Variants in TSPAN18 observed in about 807,000 individuals in gnomAD.
TSPAN18 encodes tetraspanin-18.
In TSPAN18, 14 loss-of-function variants were observed where a neutral mutation model predicts 27.3. That is an observed-to-expected ratio of 0.51 (90% confidence interval 0.34 to 0.80). The LOEUF (loss-of-function observed/expected upper bound fraction) is 0.80, where lower values mean the gene tolerates loss of function less well. Among genes scored for constraint, TSPAN18 ranks in the 30% least tolerant of loss-of-function variants. TSPAN18 has a pLI of 0.01. For synonymous variants in TSPAN18, 143 were observed against 136.5 expected (o/e 1.05, Z -0.33); for missense variants, 268 against 323.9 (o/e 0.83, Z 1.32).
chr11:44,903,997 A>G (rs1859363724), intron 3 of TSPAN18: 1 of 395,236 alleles, frequency 2.5e-6, no homozygotes, highest in African/African-American at 2.1e-5. Context: ...AATAAATAGT[A>G]TTATTTGTAG....
At chr11:44,808,540 C>T (rs550173205) in intron 2 of TSPAN18, among the ~76,000 whole-genome samples, 17 of 152,314 alleles carry the variant, frequency 1.1e-4, no homozygotes, top group Non-Finnish European at 2.1e-4. Flanking sequence ...TCACTTTTCT[C>T]TGCAGCATAG....
intron 3 of TSPAN18, among the ~76,000 whole-genome samples, chr11:44,868,183 C>G (rs1471282077): frequency 6.6e-6 from 1 of 152,294 alleles, no homozygotes; most frequent in South Asian, 2.1e-4. Flanking sequence ...TCAGGGGACG[C>G]AGTTGGAGGC....
chr11:44,888,907 C>T (rs890524776), intron 3 of TSPAN18, among the ~76,000 whole-genome samples: 4 of 152,086 alleles, frequency 2.6e-5, no homozygotes, highest in African/African-American at 7.2e-5. Flanking sequence ...CCCCATGTGT[C>T]GAGGGAGGAA....
intron 2 of TSPAN18, among the ~76,000 whole-genome samples, chr11:44,799,775 C>A (rs1856434929): frequency 6.6e-6 from 1 of 152,208 alleles, no homozygotes; most frequent in Non-Finnish European, 1.5e-5. Context: ...TGAACCCAGG[C>A]AGACTGCCTT....
intron 2 of TSPAN18, among the ~76,000 whole-genome samples, chr11:44,810,698 T>A (rs1273797795): frequency 6.6e-6 from 1 of 151,488 alleles, no homozygotes; most frequent in Non-Finnish European, 1.5e-5. Flanking sequence ...AACCTCCTCC[T>A]GGGCTGGAGC....
At chr11:44,782,179 A>G (rs1321662890) in intron 2 of TSPAN18, among the ~76,000 whole-genome samples, 2 of 152,234 alleles carry the variant, frequency 1.3e-5, no homozygotes, top group African/African-American at 4.8e-5. Flanking sequence ...GTGTGAACAC[A>G]TGCCTTACTT....
intron 2 of TSPAN18, among the ~76,000 whole-genome samples, chr11:44,775,431 T>C (rs1855782787): frequency 6.6e-6 from 1 of 152,248 alleles, no homozygotes; most frequent in Non-Finnish European, 1.5e-5. Flanking sequence ...ACACTCTTCC[T>C]AACTTGAATC....
rs1038660337 is a variant in TSPAN18 at position 44,746,013 on chromosome 11, C to T, written c.-239-18413C>T. Among the ~76,000 whole-genome samples the T allele has an allele frequency of 5.9e-5, 9 of 152,118 alleles. No homozygotes were observed. In the South Asian group the frequency reaches 6.2e-4, roughly 11 times the overall value. On this transcript the variant is annotated intron_variant, in intron 1 of 9. Coordinates refer to ENST00000520358, the MANE Select transcript of TSPAN18 (RefSeq NM_130783.5). Reference sequence around the variant, plus strand: ...CTGCACTCCAGCCTGGGCGACAGAGCGAGAGTCCATCTCAAAAACAAAGAA... The same window carrying T: ...CTGCACTCCAGCCTGGGCGACAGAGTGAGAGTCCATCTCAAAAACAAAGAA...
intron 2 of TSPAN18, among the ~76,000 whole-genome samples, chr11:44,849,795 A>G (rs1857559375): frequency 6.6e-6 from 1 of 152,184 alleles, no homozygotes; most frequent in African/African-American, 2.4e-5. Context: ...GCCACTTCAC[A>G]GAATCAGTGA....
At chr11:44,729,125 G>T (rs995136046) in intron 1 of TSPAN18, among the ~76,000 whole-genome samples, 3 of 152,188 alleles carry the variant, frequency 2.0e-5, no homozygotes, top group Non-Finnish European at 4.4e-5. Context: ...GGACAAAGTT[G>T]CCATAAAGAC....
intron 2 of TSPAN18, among the ~76,000 whole-genome samples, chr11:44,832,677 C>T (rs1590548392): frequency 6.6e-6 from 1 of 152,170 alleles, no homozygotes; most frequent in South Asian, 2.1e-4. Context: ...CTGTCCTAGT[C>T]GGGCTTCCGA....
intron 5 of TSPAN18, 145 bp downstream of exon 5, chr11:44,910,044 G>C: frequency 1.0e-6 from 1 of 983,476 alleles, no homozygotes; most frequent in East Asian, 2.7e-5. Context: ...GGATCATGGA[G>C]ATGAGCACGT....
chr11:44,729,180 A>G (rs1234448762), intron 1 of TSPAN18, among the ~76,000 whole-genome samples: 3 of 152,214 alleles, frequency 2.0e-5, no homozygotes, highest in Non-Finnish European at 1.5e-5. Flanking sequence ...AGGAGGAGAG[A>G]GGAGAGAAAG....
Position 44,921,486 on chromosome 11 carries a change from C to G in TSPAN18, c.615+1487C>G, listed in dbSNP as rs189553666. ...CCTGCCTTGCAGCTAGACCATGTAA[C>G]CGAGTTCTGGCTAACGGGAGGTGAG... On this transcript the variant is annotated intron_variant, in intron 8 of 9. Transcript: ENST00000520358. Among the ~76,000 whole-genome samples the G allele has an allele frequency of 2.6e-5, 4 of 152,212 alleles. 1 individual carries two copies. The South Asian group carries it at 8.3e-4, about 32-fold the overall frequency.
intron 2 of TSPAN18, among the ~76,000 whole-genome samples, chr11:44,843,021 T>A (rs1029518644): frequency 6.6e-6 from 1 of 152,098 alleles, no homozygotes; most frequent in Admixed American, 6.6e-5. Context: ...AATGGAATCA[T>A]ACAGTGTGCA....
chr11:44,764,023 A>G (rs1312803103), intron 1 of TSPAN18, among the ~76,000 whole-genome samples: 1 of 152,174 alleles, frequency 6.6e-6, no homozygotes, highest in Non-Finnish European at 1.5e-5. Context: ...AAGCACGCAT[A>G]GTGACAGATA....
At position 44,772,937 on chromosome 11, in the gene TSPAN18, G is replaced by A. The variant is rs139411127; in HGVS notation, c.-153+8425G>A. 6.2e-3 allele frequency among the ~76,000 whole-genome samples: 938 copies of A among 152,126 alleles called. 7 individuals carry two copies. The highest frequency in any genetic ancestry group is 0.022 in the African/African-American group (906 of 41,506). ...CTCCCAAAGTGCTGGGATTACAGGC[G>A]TGAGCCACTGCACTGAGCCCGATTT... On this transcript the variant is annotated intron_variant, in intron 2 of 9. Coordinates refer to ENST00000520358, the MANE Select transcript of TSPAN18 (RefSeq NM_130783.5).
chr11:44,816,060 CA>C (rs2135110120), intron 2 of TSPAN18, among the ~76,000 whole-genome samples: 1 of 151,076 alleles, frequency 6.6e-6, no homozygotes, highest in East Asian at 2.0e-4. Flanking sequence ...TGACCTGGGG[CA>C]AGTTTATTGC....
chr11:44,807,527 C>CA (rs59241339), intron 2 of TSPAN18, among the ~76,000 whole-genome samples: 4,039 of 64,176 alleles, frequency 0.063, 185 homozygotes, highest in African/African-American at 0.1. Flanking sequence ...AACTCCATCT[C>CA]AAAAAAAAAA....
Sources: gnomAD v4.1 joint callset for allele counts (sites outside exome capture counted in the v4.1 genomes callset) on GRCh38, gnomAD v4.1.1 for gene constraint, MANE v1.5 for transcripts, NCBI Gene and HGNC (gene_info 2026-07-23, HGNC 2026-07-21) for gene names.